The following TP53BP1 variants were observed in gnomAD, a reference collection of about 807,000 sequenced individuals.
TP53BP1 encodes the protein tumor protein p53 binding protein 1, also known as TP53-binding protein 1.
TP53BP1 carries 61 observed loss-of-function variants against 200.8 expected under a neutral mutation model. The observed-to-expected ratio is 0.30, with a 90% confidence interval of 0.25 to 0.38. The LOEUF is 0.38. Among genes scored for constraint, TP53BP1 ranks in the 10% least tolerant of loss-of-function variants. The pLI, the probability that TP53BP1 is intolerant of heterozygous loss-of-function variation, is 1.00. For synonymous variants in TP53BP1, 822 were observed against 844.3 expected, an observed-to-expected ratio of 0.97 and a Z score of 0.46; for missense variants, 2,144 against 2,371.9, an observed-to-expected ratio of 0.90 and a Z score of 2.00.
At chr15:43,464,102 A>AC (rs1311349330) in intron 11 of TP53BP1, among the ~76,000 whole-genome samples, 1 of 152,058 alleles carries the variant, frequency 6.6e-6, no homozygotes, top group East Asian at 1.9e-4. Flanking sequence ...AAACAATAAG[A>AC]CCCAACCACC....
At chr15:43,479,603 A>G in intron 6 of TP53BP1, 77 bp from the exon 7 acceptor site, 1 of 1,471,626 alleles carries the variant, frequency 6.8e-7, no homozygotes, top group African/African-American at 1.4e-5. Flanking sequence ...ATGTTTTTTA[A>G]AAAGCAAAGA....
rs1052588816 is a variant in TP53BP1 at position 43,420,310 on chromosome 15, C to T, written c.4676G>A (p.Ser1559Asn). 10 of 1,612,816 alleles carry T rather than the reference C, an allele frequency of 6.2e-6. No homozygotes were observed. The highest frequency in any genetic ancestry group is 2.2e-5 in the East Asian group (1 of 44,876). ...AACTCTGCTTCTTTCATTACCTGCA[C>T]TGAAATACTCATCCTCCGAGAGGGC... Reference protein sequence around the residue: ...VTALSEDEYFSAGVVKGHRKE... With the variant: ...VTALSEDEYFNAGVVKGHRKE... Residue 1559 changes from serine (S) to asparagine (N), a missense_variant, in exon 21 of 28, where the codon AGT becomes AAT. By Grantham distance (46) the Ser-to-Asn change is conservative. Around this residue, in one of 4 missense-constraint regions of TP53BP1, gnomAD observed 61 missense variants for 147.5 expected, o/e 0.41. Transcript: ENST00000382044.
chr15:43,428,588 TA>T (rs1362309392), intron 17 of TP53BP1, among the ~76,000 whole-genome samples: 2 of 152,208 alleles, frequency 1.3e-5, no homozygotes, highest in African/African-American at 4.8e-5. Flanking sequence ...GTCCTTTATA[TA>T]AAACCAGAAT....
Position 43,421,955 on chromosome 15 carries a change from T to G in TP53BP1, c.4000A>C (p.Ser1334Arg). ...TSLSAMHSSG[S>R]SGKGAGPLRG... is the part of the protein sequence containing the mutation. The stretch of plus-strand genomic sequence containing the variant: ...AGTGGTCCGGCTCCTTTCCCTGAGC[T>G]TCCACTGCTGTGCATAGCTGAGAGA... Residue 1334 changes from serine (S) to arginine (R), a missense_variant, in exon 19 of 28, where the codon AGC becomes CGC. By Grantham distance (110) the Ser-to-Arg change is moderately radical. This residue lies in a region of TP53BP1 where 1,700 missense variants were observed against 1,710.3 expected (regional missense o/e 0.99). Coordinates refer to ENST00000382044, the MANE Select transcript of TP53BP1 (RefSeq NM_001141980.3). The G allele has an allele frequency of 6.2e-7, 1 of 1,614,182 alleles. No individual in the cohort carries two copies.
At chr15:43,434,271 A>G (rs533834753) in intron 16 of TP53BP1, among the ~76,000 whole-genome samples, 1 of 152,330 alleles carries the variant, frequency 6.6e-6, no homozygotes, top group South Asian at 2.1e-4. Context: ...TGCTCAATCA[A>G]TATTAGATGC....
intron 23 of TP53BP1, chr15:43,414,260 C>T (rs746241804): frequency 1.0e-5 from 4 of 398,148 alleles, no homozygotes; most frequent in Non-Finnish European, 2.1e-5. Context: ...CTTTTCTGTG[C>T]CTCAAAGTCT....
chr15:43,406,212 TAATC>T lies in TP53BP1; in HGVS notation c.*1167_*1170del, dbSNP rs1490145244. Reference sequence around the variant, plus strand: ...CTTAATATGGCCCAGCCATCACTGGTAATCAATATTCATATCAGTGTAAGTAAAA... The same window carrying T: ...CTTAATATGGCCCAGCCATCACTGGTAATATTCATATCAGTGTAAGTAAAA... On this transcript the variant is annotated 3_prime_UTR_variant, in exon 28 of 28. Coordinates refer to ENST00000382044, the MANE Select transcript of TP53BP1 (RefSeq NM_001141980.3). 1 of 161,930 alleles carries T rather than the reference TAATC, an allele frequency of 6.2e-6. No homozygotes were observed. The highest frequency in any genetic ancestry group is 6.2e-5 in the Admixed American group (1 of 16,082). 10.0% of individuals were successfully genotyped at this position (161,930 alleles called of 1,614,324 possible).
intron 4 of TP53BP1, among the ~76,000 whole-genome samples, chr15:43,482,747 G>C (rs996792447): frequency 1.3e-5 from 2 of 151,722 alleles, no homozygotes; most frequent in African/African-American, 2.4e-5. Flanking sequence ...CAGCCTGGGA[G>C]ACATGGCGAG....
At chr15:43,502,705 C>T (rs1211109379) in intron 1 of TP53BP1, among the ~76,000 whole-genome samples, 2 of 151,746 alleles carry the variant, frequency 1.3e-5, no homozygotes. Flanking sequence ...ATGATCTGCC[C>T]ACCTTGGCCT....
At position 43,480,000 on chromosome 15, in the gene TP53BP1, A is replaced by G; in HGVS notation, c.517T>C (p.Leu173=). The G allele has an allele frequency of 6.2e-7, 1 of 1,614,058 alleles. No homozygotes were observed. The part of the protein sequence containing the change: ...LGAEDTASSQ[L]GFGVLELSQS... Reference sequence around the variant, plus strand: ...GAGAGTTCCAGAACCCCAAAACCCAACTGTGATGAGGCAGTATCTAGGAAC... The same window carrying G: ...GAGAGTTCCAGAACCCCAAAACCCAGCTGTGATGAGGCAGTATCTAGGAAC... The change falls in exon 6 of 28, where the codon TTG becomes CTG. Residue 173 remains leucine, a synonymous_variant. Transcript: ENST00000382044.
At position 43,456,270 on chromosome 15, in the gene TP53BP1, A is replaced by G; in HGVS notation, c.2338T>C (p.Leu780=). 1 of 1,614,114 alleles carries G rather than the reference A, an allele frequency of 6.2e-7. No individual in the cohort carries two copies. Among genetic ancestry groups the G allele is most frequent in the Non-Finnish European group, 8.5e-7 (1 of 1,180,018 alleles). ...TCTGAGCACTTCTCCACTCCCTCCA[A>G]AGGTTCACAAGAAACATCAACTCTG... is the stretch of plus-strand genomic sequence containing the variant. ...SPRVDVSCEP[L]EGVEKCSDSQ... Residue 780 remains leucine (L), a synonymous_variant, in exon 12 of 28, where the codon TTG becomes CTG. Coordinates refer to ENST00000382044, the MANE Select transcript of TP53BP1 (RefSeq NM_001141980.3).
chr15:43,475,351 G>A (rs2078864762), intron 9 of TP53BP1, among the ~76,000 whole-genome samples: 2 of 152,192 alleles, frequency 1.3e-5, no homozygotes, highest in African/African-American at 4.8e-5. Context: ...CTTTCTTAGT[G>A]AAACGTTTGG....
At chr15:43,496,173 T>C (rs929517308), upstream of TP53BP1, among the ~76,000 whole-genome samples, 2 of 152,214 alleles carry the variant, frequency 1.3e-5, no homozygotes, top group Non-Finnish European at 2.9e-5. Flanking sequence ...TAGGTTAACT[T>C]GCTTTAAAGT....
chr15:43,447,157 A>T, intron 13 of TP53BP1: 1 of 563,844 alleles, frequency 1.8e-6, no homozygotes. Flanking sequence ...TTTCTTTCTT[A>T]CTTCCCTCCA....
intron 5 of TP53BP1, 85 bp from the exon 6 acceptor site, chr15:43,480,102 C>T: frequency 7.0e-6 from 9 of 1,291,894 alleles, no homozygotes; most frequent in South Asian, 1.3e-5. Context: ...AGGAGGGTCC[C>T]GTTAAGTCCT....
intron 21 of TP53BP1, among the ~76,000 whole-genome samples, chr15:43,419,755 G>A (rs938599907): frequency 5.9e-5 from 9 of 151,874 alleles, no homozygotes; most frequent in Non-Finnish European, 2.9e-5. Flanking sequence ...TCCAAATGGA[G>A]GGACATTCCA....
chr15:43,453,399 C>T (rs2046218430), intron 12 of TP53BP1, among the ~76,000 whole-genome samples: 1 of 151,996 alleles, frequency 6.6e-6, no homozygotes, highest in African/African-American at 2.4e-5. Context: ...AGCAGTTTTA[C>T]AGGAAGAAAA....
At chr15:43,437,420 C>T (rs2045823900) in intron 16 of TP53BP1, among the ~76,000 whole-genome samples, 1 of 152,122 alleles carries the variant, frequency 6.6e-6, no homozygotes, top group Non-Finnish European at 1.5e-5. Flanking sequence ...ACTGCTTGAT[C>T]CCAAGAGTTT....
chr15:43,428,225 CA>C, intron 17 of TP53BP1, 57 bp from the exon 18 acceptor site: 1 of 1,459,446 alleles, frequency 6.9e-7, no homozygotes, highest in Admixed American at 1.7e-5. Context: ...GTCAAAATCA[CA>C]AATCTTATGC....
Sources: allele counts gnomAD v4.1 joint callset (sites outside exome capture counted in the v4.1 genomes callset), GRCh38; gene constraint gnomAD v4.1.1; regional missense constraint gnomAD v4.1.1; transcripts MANE v1.5; gene names NCBI Gene and HGNC (gene_info 2026-07-23, HGNC 2026-07-21).